The following PLSCR1 variants were observed in gnomAD, a reference collection of about 807,000 sequenced individuals.
PLSCR1 encodes the protein phospholipid scramblase 1, also known as PL scramblase 1.
In PLSCR1, 17 loss-of-function variants were observed where a neutral mutation model predicts 37.8. The ratio of observed to expected loss-of-function variants is 0.45; its 90% confidence interval spans 0.31 to 0.68. The LOEUF (loss-of-function observed/expected upper bound fraction) is 0.68, where lower values mean the gene tolerates loss of function less well. Ranked by LOEUF, PLSCR1 falls within the 30% of genes least tolerant of loss-of-function variation. PLSCR1 has a pLI of 0.06. For synonymous variants in PLSCR1, 116 were observed against 125.9 expected (o/e 0.92, Z 0.53); for missense variants, 347 against 380.9 (o/e 0.91, Z 0.74).
At chr3:146,540,212 C>T (rs183375974) in intron 1 of PLSCR1, among the ~76,000 whole-genome samples, 7 of 152,200 alleles carry the variant, frequency 4.6e-5, no homozygotes, top group Non-Finnish European at 2.9e-5. Context: ...ATAATTACTC[C>T]AGTATGAACA....
intron 1 of PLSCR1, chr3:146,538,182 A>C (rs752948558): frequency 2.6e-5 from 4 of 152,220 alleles, no homozygotes; most frequent in African/African-American, 9.6e-5. Context: ...ATTAAAATTT[A>C]TACTTTTCTG....
At position 146,517,175 on chromosome 3, in the gene PLSCR1, G is replaced by GAAA; in HGVS notation, c.739-11_739-9dup. On this transcript the variant is annotated splice_polypyrimidine_tract_variant and intron_variant, in intron 7 of 8. Coordinates refer to ENST00000342435, the MANE Select transcript of PLSCR1 (RefSeq NM_021105.3). ...TTCATCAAGAGATTTAATCTAAATT[G>GAAA]AAAAAAAAAAGTATTAAATACTTTT... is the stretch of plus-strand genomic sequence containing the variant. 1.5e-6 allele frequency: 2 copies of GAAA among 1,352,810 alleles called. No homozygotes were observed. Among genetic ancestry groups the GAAA allele is most frequent in the Non-Finnish European group, 2.0e-6 (2 of 1,014,910 alleles). The allele number at this position is 1,352,810 out of a possible 1,614,324, so 83.8% of individuals were successfully genotyped here. A position where few individuals can be genotyped will look rare whatever the true frequency, so the allele number is the denominator to read the frequency against.
At chr3:146,534,682 C>G (rs2044243058) in intron 2 of PLSCR1, among the ~76,000 whole-genome samples, 1 of 152,036 alleles carries the variant, frequency 6.6e-6, no homozygotes. Flanking sequence ...TCAAGACTAG[C>G]CTGGCCAACA....
chr3:146,539,335 C>T (rs1358996701), intron 1 of PLSCR1, among the ~76,000 whole-genome samples: 3 of 152,134 alleles, frequency 2.0e-5, no homozygotes, highest in Non-Finnish European at 2.9e-5. Context: ...TGTATGTGAG[C>T]GATGGGGAGC....
In PLSCR1 at chr3:146,515,822, A is replaced by G. The variant is rs1489515180; in HGVS notation, c.*223T>C. 3 of 364,648 alleles carry G rather than the reference A, an allele frequency of 8.2e-6. No individual in the cohort carries two copies. Among genetic ancestry groups the G allele is most frequent in the Non-Finnish European group, 1.5e-5 (3 of 204,742 alleles). 22.6% of individuals were successfully genotyped at this position (364,648 alleles called of 1,614,324 possible). Reference sequence around the variant, plus strand: ...TTTTCAAAGGAAGTTTCATTAATAAATGCAAAAACTCATATGTCCTTTTTC... The same window carrying G: ...TTTTCAAAGGAAGTTTCATTAATAAGTGCAAAAACTCATATGTCCTTTTTC... On this transcript the variant is annotated 3_prime_UTR_variant, in exon 9 of 9. Transcript: ENST00000342435.
At chr3:146,542,535 T>C (rs2044350509) in intron 1 of PLSCR1, among the ~76,000 whole-genome samples, 1 of 152,212 alleles carries the variant, frequency 6.6e-6, no homozygotes, top group Non-Finnish European at 1.5e-5. Context: ...CCTCCAGAAC[T>C]GTAAGAAATA....
chr3:146,516,324 G>T, intron 8 of PLSCR1: 1 of 363,770 alleles, frequency 2.7e-6, no homozygotes, highest in Non-Finnish European at 4.9e-6. Flanking sequence ...ATTGATACCT[G>T]TATGAATTTA....
intron 8 of PLSCR1, 143 bp from the exon 9 acceptor site, chr3:146,516,244 G>C: frequency 4.0e-6 from 2 of 505,898 alleles, no homozygotes; most frequent in Non-Finnish European, 6.9e-6. Context: ...ATATACAAAA[G>C]CTCTATAATT....
At chr3:146,525,738 A>T in intron 4 of PLSCR1, 91 bp from the exon 5 acceptor site, 1 of 615,006 alleles carries the variant, frequency 1.6e-6, no homozygotes, top group Non-Finnish European at 2.9e-6. Flanking sequence ...TTATATTTTT[A>T]AAGTACATGT....
rs77913850 is a variant in PLSCR1 at position 146,540,289 on chromosome 3, A to T, written c.-13-3724T>A. ...CTAAGACTTTGGAGGAAACTGAGGC[A>T]TCATATATTATTTGCATACAAGTAC... On this transcript the variant is annotated intron_variant, in intron 1 of 8. Transcript: ENST00000342435. 9.0e-3 allele frequency among the ~76,000 whole-genome samples: 1,365 copies of T among 152,340 alleles called. 22 individuals carry two copies. The highest frequency in any genetic ancestry group is 0.031 in the African/African-American group (1,276 of 41,580).
At chr3:146,519,268 A>G (rs899549614) in intron 7 of PLSCR1, among the ~76,000 whole-genome samples, 2 of 152,144 alleles carry the variant, frequency 1.3e-5, no homozygotes, top group East Asian at 1.9e-4. Context: ...AAACATATTT[A>G]TTGAATACTA....
intron 1 of PLSCR1, among the ~76,000 whole-genome samples, chr3:146,543,675 CAAATATTTA>C (rs944081682): frequency 1.3e-5 from 2 of 152,210 alleles, no homozygotes; most frequent in African/African-American, 4.8e-5. Context: ...GGAACTTTGT[CAAATATTTA>C]AAATAATAAG....
intron 1 of PLSCR1, chr3:146,540,911 C>T (rs895960462): frequency 2.0e-5 from 3 of 152,178 alleles, no homozygotes; most frequent in East Asian, 1.9e-4. Flanking sequence ...TATGTTTGTA[C>T]ATAAATTTTG....
chr3:146,531,809 C>T (rs559625539), intron 3 of PLSCR1, among the ~76,000 whole-genome samples: 4 of 152,196 alleles, frequency 2.6e-5, no homozygotes, highest in African/African-American at 9.6e-5. Flanking sequence ...GTTTAAACTA[C>T]CACATAACTA....
rs781705900 is a variant in PLSCR1 at position 146,525,608 on chromosome 3, C to T, written c.352G>A (p.Glu118Lys). 3 of 1,497,030 alleles carry T rather than the reference C, an allele frequency of 2.0e-6. No homozygotes were observed. The highest frequency in any genetic ancestry group is 1.4e-5 in the African/African-American group (1 of 72,522). The allele number at this position is 1,497,030 out of a possible 1,614,324, so 92.7% of individuals were successfully genotyped here. A position where few individuals can be genotyped will look rare whatever the true frequency, so the allele number is the denominator to read the frequency against. The change falls in exon 5 of 9, where the codon GAA becomes AAA. Residue 118 changes from glutamate (E) to lysine (K), a missense_variant. Transcript: ENST00000342435. The stretch of plus-strand genomic sequence containing the variant: ...GATTAAAACAATGAATACATACCTT[C>T]CAGAAGTTCAATTTGCTGATGAATC... ...ILIHQQIELL[E>K]VLTGFETNNK... is the part of the protein sequence containing the mutation.
intron 7 of PLSCR1, among the ~76,000 whole-genome samples, chr3:146,518,750 T>C (rs1378756964): frequency 6.6e-6 from 1 of 152,110 alleles, no homozygotes; most frequent in African/African-American, 2.4e-5. Context: ...GAAATGCAAA[T>C]AATGATCTTC....
Position 146,516,036 on chromosome 3 carries a change from A to G in PLSCR1, c.*9T>C. The G allele has an allele frequency of 1.3e-6, 2 of 1,581,432 alleles. No individual in the cohort carries two copies. The highest frequency in any genetic ancestry group is 1.1e-5 in the South Asian group (1 of 90,134). ...CTTCAGATTTCCTGAGGAGACTTTC[A>G]CTAATCCACTACCACACTCCTGATT... On this transcript the variant is annotated 3_prime_UTR_variant, in exon 9 of 9. Coordinates refer to ENST00000342435, the MANE Select transcript of PLSCR1 (RefSeq NM_021105.3).
rs544288934 is a variant in PLSCR1 at position 146,543,157 on chromosome 3, T to C, written c.-14+1310A>G. On this transcript the variant is annotated intron_variant, in intron 1 of 8. Transcript: ENST00000342435. ...GCTGGAGGAACGTCCCTCATTCAAG[T>C]AAAGGAAGACGAGTGAGGTTACAGA... Among the ~76,000 whole-genome samples, 53 of 152,120 alleles carry C rather than the reference T, an allele frequency of 3.5e-4. No homozygotes were observed. The South Asian group carries it at 3.7e-3, about 11-fold the overall frequency.
chr3:146,542,679 C>G (rs2587008), intron 1 of PLSCR1, among the ~76,000 whole-genome samples: 40,953 of 152,012 alleles, frequency 0.27, 5,701 homozygotes, highest in African/African-American at 0.31. Flanking sequence ...CTATTAAGTT[C>G]TGATTAAAAA....
Sources: allele counts gnomAD v4.1 joint callset (sites outside exome capture counted in the v4.1 genomes callset), GRCh38; gene constraint gnomAD v4.1.1; transcripts MANE v1.5; gene names NCBI Gene and HGNC (gene_info 2026-07-23, HGNC 2026-07-21).